Variants in MYO3B observed in about 807,000 individuals in gnomAD.
MYO3B encodes the protein myosin-IIIb.
In MYO3B, 156 loss-of-function variants were observed where a neutral mutation model predicts 174.6. That is an observed-to-expected ratio of 0.89 (90% CI 0.78 to 1.02). MYO3B has a LOEUF of 1.02. Among genes scored for constraint, MYO3B ranks in the 50% least tolerant of loss-of-function variants. The pLI is 0.00. For synonymous variants in MYO3B, 563 were observed against 569.1 expected, an observed-to-expected ratio of 0.99 and a Z score of 0.15; for missense variants, 1,632 against 1,639.4, an observed-to-expected ratio of 1.00 and a Z score of 0.08.
At chr2:170,526,318 G>A (rs778733334) in intron 30 of MYO3B, among the ~76,000 whole-genome samples, 1 of 152,138 alleles carries the variant, frequency 6.6e-6, no homozygotes, top group Non-Finnish European at 1.5e-5. Flanking sequence ...AGCTGTTGTG[G>A]GTCATGGTGA....
intron 32 of MYO3B, among the ~76,000 whole-genome samples, chr2:170,650,672 CTTTTTTTTTT>C (rs766676996): frequency 1.0e-4 from 8 of 76,974 alleles, no homozygotes; most frequent in Non-Finnish European, 1.6e-4. Flanking sequence ...TGAATTATGA[CTTTTTTTTTT>C]TTTTTTTTTT....
At chr2:170,372,080 C>T (rs1029179318) in intron 9 of MYO3B, among the ~76,000 whole-genome samples, 1 of 129,010 alleles carries the variant, frequency 7.8e-6, no homozygotes, top group Admixed American at 9.9e-5. Context: ...GATTGCACCA[C>T]TGCATTCCAG....
chr2:170,301,874 CTTTTTTTTTT>C lies in MYO3B; in HGVS notation c.750-33495_750-33486del, dbSNP rs10538086. On this transcript the variant is annotated intron_variant, in intron 7 of 34. Transcript: ENST00000408978. ...AGCGGCCACATAGGCAAAGTGGAGG[CTTTTTTTTTT>C]TTTTTTTTTTTTTTTAGGAGGCTGG... 4.0e-5 allele frequency among the ~76,000 whole-genome samples: 3 copies of C among 74,748 alleles called. No homozygotes were observed. The Admixed American group carries it at 5.3e-4, about 13-fold the overall frequency. 49.0% of individuals were successfully genotyped at this position (74,748 alleles called of 152,430 possible).
chr2:170,555,087 T>C (rs1413627922), intron 32 of MYO3B, among the ~76,000 whole-genome samples: 1 of 141,056 alleles, frequency 7.1e-6, no homozygotes, highest in Non-Finnish European at 1.5e-5. Context: ...AATAATAAAT[T>C]TGTTTGCGTT....
chr2:170,424,162 T>C (rs2094641949), intron 22 of MYO3B, among the ~76,000 whole-genome samples: 1 of 152,198 alleles, frequency 6.6e-6, no homozygotes, highest in South Asian at 2.1e-4. Flanking sequence ...GAGAAGCACC[T>C]TGAGGGTCAA....
intron 7 of MYO3B, among the ~76,000 whole-genome samples, chr2:170,261,098 A>G (rs1169085121): frequency 6.6e-6 from 1 of 152,152 alleles, no homozygotes; most frequent in Non-Finnish European, 1.5e-5. Flanking sequence ...ATCTTGGCTC[A>G]CCGCAAACTC....
At chr2:170,282,564 C>G (rs531537296) in intron 7 of MYO3B, among the ~76,000 whole-genome samples, 18 of 152,096 alleles carry the variant, frequency 1.2e-4, no homozygotes, top group African/African-American at 4.3e-4. Flanking sequence ...GTTCATTTTG[C>G]CTAGGATTTC....
At chr2:170,507,683 G>A (rs1015758965) in intron 28 of MYO3B, among the ~76,000 whole-genome samples, 8 of 152,172 alleles carry the variant, frequency 5.3e-5, no homozygotes, top group Admixed American at 3.9e-4. Flanking sequence ...GTGAGCTACT[G>A]TGCCTGGCCT....
intron 7 of MYO3B, among the ~76,000 whole-genome samples, chr2:170,330,559 G>A (rs1397059961): frequency 6.6e-6 from 1 of 152,126 alleles, no homozygotes; most frequent in African/African-American, 2.4e-5. Context: ...TGAAGCACTT[G>A]GCATGAAGCT....
At chr2:170,591,058 A>G (rs891386739) in intron 32 of MYO3B, among the ~76,000 whole-genome samples, 3 of 152,224 alleles carry the variant, frequency 2.0e-5, no homozygotes, top group Non-Finnish European at 4.4e-5. Context: ...GAACATTATC[A>G]AAGTGGGCCT....
At chr2:170,596,965 G>A (rs551018799) in intron 32 of MYO3B, among the ~76,000 whole-genome samples, 7 of 152,228 alleles carry the variant, frequency 4.6e-5, no homozygotes, top group South Asian at 2.1e-4. Context: ...CTGCTTAGGC[G>A]GGAAAATATG....
intron 25 of MYO3B, among the ~76,000 whole-genome samples, chr2:170,482,288 G>A (rs541159134): frequency 6.6e-6 from 1 of 152,184 alleles, no homozygotes; most frequent in African/African-American, 2.4e-5. Flanking sequence ...TCGAGTAGCT[G>A]GGATTACAGG....
intron 7 of MYO3B, among the ~76,000 whole-genome samples, chr2:170,304,264 C>T (rs573852198): frequency 9.3e-4 from 142 of 152,056 alleles, no homozygotes; most frequent in African/African-American, 3.3e-3. Flanking sequence ...TATGAAAACA[C>T]CATTTTCTTA....
At chr2:170,451,235 G>A (rs1683578829) in intron 23 of MYO3B, among the ~76,000 whole-genome samples, 1 of 152,102 alleles carries the variant, frequency 6.6e-6, no homozygotes, top group African/African-American at 2.4e-5. Context: ...TTCATTTTTG[G>A]TGAAAAGCCT....
intron 22 of MYO3B, among the ~76,000 whole-genome samples, chr2:170,442,384 A>G (rs2105909061): frequency 6.6e-6 from 1 of 152,208 alleles, no homozygotes; most frequent in Non-Finnish European, 1.5e-5. Context: ...AGTTAAAGTT[A>G]TATCATGTGC....
intron 7 of MYO3B, among the ~76,000 whole-genome samples, chr2:170,286,009 C>A (rs1303740661): frequency 2.0e-5 from 3 of 152,122 alleles, no homozygotes; most frequent in Non-Finnish European, 4.4e-5. Context: ...CTAGATCCCA[C>A]CTATATGTGG....
At chr2:170,573,646 C>T (rs1451737245) in intron 32 of MYO3B, among the ~76,000 whole-genome samples, 1 of 152,098 alleles carries the variant, frequency 6.6e-6, no homozygotes, top group Admixed American at 6.5e-5. Flanking sequence ...TAAATAAGCT[C>T]TAAGGGGAGG....
chr2:170,214,696 C>T lies in MYO3B; in HGVS notation c.427-33C>T, dbSNP rs550074515. The T allele has an allele frequency of 8.2e-6, 13 of 1,577,644 alleles. No homozygotes were observed. In the South Asian group the frequency reaches 1.3e-4, roughly 16 times the overall value. On this transcript the variant is annotated intron_variant, in intron 4 of 34. Coordinates refer to ENST00000408978, the MANE Select transcript of MYO3B (RefSeq NM_138995.5). ...GCATGTAAATTTCCCCTTTCTCTTT[C>T]CTGTTGTTTGGTGGTGGTGGGATGC...
At chr2:170,291,506 C>A (rs1015787579) in intron 7 of MYO3B, among the ~76,000 whole-genome samples, 1 of 152,158 alleles carries the variant, frequency 6.6e-6, no homozygotes, top group Admixed American at 6.6e-5. Flanking sequence ...CATGCAATTA[C>A]TTTTACCAGT....
Sources: gnomAD v4.1 joint callset for allele counts (sites outside exome capture counted in the v4.1 genomes callset) on GRCh38, gnomAD v4.1.1 for gene constraint, MANE v1.5 for transcripts, NCBI Gene and HGNC (gene_info 2026-07-23, HGNC 2026-07-21) for gene names.